Variants in SPAG16 observed in about 807,000 individuals in gnomAD.
SPAG16 encodes sperm associated antigen 16.
In SPAG16, 86 loss-of-function variants were observed where a neutral mutation model predicts 80.4. The observed-to-expected ratio is 1.07, with a 90% CI of 0.90 to 1.28. The LOEUF (loss-of-function observed/expected upper bound fraction) is 1.28. Ranked by LOEUF, SPAG16 falls within the 50% of genes most tolerant of loss-of-function variation. The pLI is 0.00. For synonymous variants in SPAG16, 294 were observed against 265.9 expected, an observed-to-expected ratio of 1.11 and a Z score of -1.03; for missense variants, 870 against 765.3, an observed-to-expected ratio of 1.14 and a Z score of -1.61.
chr2:213,794,874 G>A (rs1330359546), intron 10 of SPAG16, among the ~76,000 whole-genome samples: 1 of 152,074 alleles, frequency 6.6e-6, no homozygotes, highest in African/African-American at 2.4e-5. Context: ...TTCATGCTCT[G>A]ATTTTCCTGA....
chr2:213,860,238 C>T (rs1425378406), intron 10 of SPAG16, among the ~76,000 whole-genome samples: 1 of 151,498 alleles, frequency 6.6e-6, no homozygotes, highest in Non-Finnish European at 1.5e-5. Flanking sequence ...ATTATCAAAG[C>T]ATTAAATTCC....
At chr2:213,456,060 T>C (rs1224523233) in intron 9 of SPAG16, among the ~76,000 whole-genome samples, 2 of 152,224 alleles carry the variant, frequency 1.3e-5, no homozygotes, top group Non-Finnish European at 2.9e-5. Context: ...ACCTTGCCTC[T>C]CATGTTTTCT....
intron 10 of SPAG16, among the ~76,000 whole-genome samples, chr2:213,800,374 T>TCTCCCTG (rs2071320689): frequency 7.5e-6 from 1 of 132,996 alleles, no homozygotes; most frequent in East Asian, 2.6e-4. Context: ...CTCTCTCCCT[T>TCTCCCTG]TCTTCTTTTC....
At chr2:213,538,333 G>A (rs2076318042) in intron 10 of SPAG16, among the ~76,000 whole-genome samples, 2 of 152,022 alleles carry the variant, frequency 1.3e-5, no homozygotes, top group Admixed American at 6.6e-5. Flanking sequence ...TACAGCCTGT[G>A]TTTAAATTGA....
intron 7 of SPAG16, 74 bp downstream of exon 7, chr2:213,350,719 T>G (rs2065279368): frequency 1.2e-6 from 1 of 815,282 alleles, no homozygotes; most frequent in South Asian, 2.4e-5. Flanking sequence ...GAAATACTGA[T>G]TTTGTTTCTG....
At chr2:214,266,047 G>T (rs1377535429) in intron 15 of SPAG16, among the ~76,000 whole-genome samples, 1 of 151,864 alleles carries the variant, frequency 6.6e-6, no homozygotes, top group African/African-American at 2.4e-5. Flanking sequence ...CAGGGTCTAA[G>T]ACACTACTTG....
chr2:213,931,358 A>T (rs2078744542), intron 12 of SPAG16, among the ~76,000 whole-genome samples: 1 of 152,200 alleles, frequency 6.6e-6, no homozygotes, highest in African/African-American at 2.4e-5. Flanking sequence ...TGACAATTTC[A>T]GATAGCTTTT....
intron 12 of SPAG16, among the ~76,000 whole-genome samples, chr2:213,955,706 A>G (rs904744945): frequency 2.6e-5 from 4 of 152,054 alleles, no homozygotes; most frequent in African/African-American, 7.2e-5. Context: ...GTTCTATTTC[A>G]TGATTAATTA....
intron 11 of SPAG16, among the ~76,000 whole-genome samples, chr2:213,925,634 G>A (rs991072419): frequency 1.3e-5 from 2 of 152,168 alleles, no homozygotes; most frequent in Non-Finnish European, 2.9e-5. Context: ...TTACAGACAT[G>A]GGCCTCTATG....
intron 8 of SPAG16, among the ~76,000 whole-genome samples, chr2:213,374,275 A>T (rs2066781056): frequency 6.6e-6 from 1 of 152,134 alleles, no homozygotes; most frequent in South Asian, 2.1e-4. Flanking sequence ...AATCATCCAG[A>T]CATTTCTTTG....
At chr2:214,404,417 GCCT>G (rs1701883297) in intron 15 of SPAG16, among the ~76,000 whole-genome samples, 1 of 152,054 alleles carries the variant, frequency 6.6e-6, no homozygotes, top group Admixed American at 6.6e-5. Context: ...GATGAAAAGG[GCCT>G]CTTTGTTGTT....
chr2:214,138,759 A>G (rs2055194354), intron 14 of SPAG16, among the ~76,000 whole-genome samples: 1 of 152,170 alleles, frequency 6.6e-6, no homozygotes, highest in East Asian at 1.9e-4. Context: ...TTTTATTCAG[A>G]GAGGAAATAG....
intron 10 of SPAG16, among the ~76,000 whole-genome samples, chr2:213,559,601 G>C (rs1193491211): frequency 6.6e-6 from 1 of 151,992 alleles, no homozygotes; most frequent in African/African-American, 2.4e-5. Flanking sequence ...TAAAATTATA[G>C]TGCATATATT....
At chr2:214,061,079 G>A (rs1163485611) in intron 13 of SPAG16, among the ~76,000 whole-genome samples, 2 of 152,190 alleles carry the variant, frequency 1.3e-5, no homozygotes, top group Non-Finnish European at 2.9e-5. Flanking sequence ...ACTCAAGTTT[G>A]TGAGACAGAG....
intron 15 of SPAG16, among the ~76,000 whole-genome samples, chr2:214,188,015 A>G (rs2057535849): frequency 6.6e-6 from 1 of 152,140 alleles, no homozygotes; most frequent in South Asian, 2.1e-4. Context: ...AGTTCCATCC[A>G]GAACCATAAG....
chr2:214,035,335 C>T (rs1266455204), intron 13 of SPAG16, among the ~76,000 whole-genome samples: 5 of 152,200 alleles, frequency 3.3e-5, no homozygotes, highest in African/African-American at 1.2e-4. Flanking sequence ...TGGGACTTCA[C>T]CAGGGACCTG....
chr2:213,779,278 G>C (rs543614082), intron 10 of SPAG16, among the ~76,000 whole-genome samples: 14 of 152,202 alleles, frequency 9.2e-5, no homozygotes, highest in African/African-American at 3.1e-4. Context: ...AACAGTAGTA[G>C]TATAATCAAA....
intron 10 of SPAG16, among the ~76,000 whole-genome samples, chr2:213,710,083 C>A (rs6751454): frequency 0.38 from 57,641 of 151,732 alleles, 11,422 homozygotes; most frequent in Middle Eastern, 0.47. Context: ...GATGGAGACT[C>A]TCCTGGCTAA....
At position 213,454,882 on chromosome 2, in the gene SPAG16, T is replaced by C. The variant is rs145981473; in HGVS notation, c.943-35081T>C. On this transcript the variant is annotated intron_variant, in intron 9 of 15. Coordinates refer to ENST00000331683, the MANE Select transcript of SPAG16 (RefSeq NM_024532.5). ...TTTGTAATACAAGCACAAATGTATG[T>C]ATTCTTTCCATCTGTTAGACACACA... 2.9e-3 allele frequency among the ~76,000 whole-genome samples: 436 copies of C among 152,368 alleles called. 2 individuals are homozygous for C. Among genetic ancestry groups the C allele is most frequent in the African/African-American group, 0.01 (418 of 41,592 alleles).
Sources: gnomAD v4.1 joint callset for allele counts (sites outside exome capture counted in the v4.1 genomes callset) on GRCh38, gnomAD v4.1.1 for gene constraint, MANE v1.5 for transcripts, NCBI Gene and HGNC (gene_info 2026-07-23, HGNC 2026-07-21) for gene names.